Variants in PTPRD observed in about 807,000 individuals in gnomAD.
The protein encoded by PTPRD is protein tyrosine phosphatase receptor type D.
A neutral mutation model predicts 214.5 loss-of-function variants in PTPRD; 34 were observed. The ratio of observed to expected loss-of-function variants is 0.16; its 90% CI spans 0.12 to 0.21. The LOEUF (loss-of-function observed/expected upper bound fraction) is 0.21. PTPRD is among the 10% of genes least tolerant of loss of function. The pLI is 1.00. For synonymous variants in PTPRD, 1,128 were observed against 845.7 expected (o/e 1.33, Z -5.79); for missense variants, 2,545 against 2,398.7 (o/e 1.06, Z -1.27).
At chr9:9,477,531 A>C (rs2095148587) in intron 8 of PTPRD, among the ~76,000 whole-genome samples, 1 of 152,150 alleles carries the variant, frequency 6.6e-6, no homozygotes, top group African/African-American at 2.4e-5. Flanking sequence ...TCCACACATT[A>C]TTTATTTTAC....
intron 8 of PTPRD, among the ~76,000 whole-genome samples, chr9:9,485,186 A>G (rs1182625434): frequency 2.0e-5 from 3 of 152,328 alleles, no homozygotes; most frequent in African/African-American, 7.2e-5. Context: ...AAACTGATAC[A>G]TGTTTTGAAA....
At chr9:8,347,325 T>C (rs1295061316) in intron 39 of PTPRD, among the ~76,000 whole-genome samples, 2 of 152,106 alleles carry the variant, frequency 1.3e-5, no homozygotes, top group Non-Finnish European at 2.9e-5. Context: ...CTTCCATCCA[T>C]ATTTGTTGTA....
rs1852721493 is a variant in PTPRD, at chr9:8,341,798, A to C, written c.4842T>G (p.Thr1614=). Reference sequence around the variant, plus strand: ...TAGCTGGCACTTCGGTATTTCCACAAGTCACTGCTTCTAACAGTGCATCAT... The same window carrying C: ...TAGCTGGCACTTCGGTATTTCCACACGTCACTGCTTCTAACAGTGCATCAT... ...FIHDALLEAV[T]CGNTEVPARN... is the part of the protein sequence containing the mutation. Residue 1614 remains threonine, a synonymous_variant, in exon 40 of 46, where the codon ACT becomes ACG. Coordinates refer to ENST00000381196, the MANE Select transcript of PTPRD (RefSeq NM_002839.4). 6.2e-7 allele frequency: 1 copy of C among 1,613,636 alleles called. No homozygotes were observed. The highest frequency in any genetic ancestry group is 1.7e-5 in the Admixed American group (1 of 59,946).
chr9:10,430,834 C>T (rs2098670526), intron 2 of PTPRD, among the ~76,000 whole-genome samples: 2 of 151,810 alleles, frequency 1.3e-5, no homozygotes, highest in East Asian at 3.9e-4. Flanking sequence ...CATCATACCC[C>T]TTTTTTATCC....
At position 10,048,629 on chromosome 9, in the gene PTPRD, A is replaced by G. The variant is rs575835368; in HGVS notation, c.-544-14839T>C. Among the ~76,000 whole-genome samples the G allele has an allele frequency of 3.3e-5, 5 of 152,196 alleles. No homozygotes were observed. The South Asian group carries it at 1.0e-3, about 32-fold the overall frequency. On this transcript the variant is annotated intron_variant, in intron 3 of 45. Transcript: ENST00000381196. ...CCACTCTAGAAACTGCTGGGGGAAAAAAATCTTCGAGGAGGTAGGATTTAT... is the reference window on the plus strand; with the variant it reads ...CCACTCTAGAAACTGCTGGGGGAAAGAAATCTTCGAGGAGGTAGGATTTAT...
chr9:9,705,208 T>G (rs2097576600), intron 7 of PTPRD, among the ~76,000 whole-genome samples: 2 of 152,206 alleles, frequency 1.3e-5, no homozygotes, highest in African/African-American at 4.8e-5. Flanking sequence ...TAATATTTCA[T>G]AATGGTTCCC....
At chr9:8,317,991 T>C (rs371047176) in intron 45 of PTPRD, 49 bp from the exon 46 acceptor site, 5 of 1,485,914 alleles carry the variant, frequency 3.4e-6, no homozygotes, top group Non-Finnish European at 4.6e-6. Context: ...ACCATGAGCA[T>C]ATTTTAATAG....
rs202114228 is a variant in PTPRD at position 9,956,280 on chromosome 9, TAA to T, written c.-471-17672_-471-17671del. ...CCTCAGCCCTGATTAAAGTCAAACT[TAA>T]AAAAAAAAAAAAAAACTCTACCAAA... On this transcript the variant is annotated intron_variant, in intron 4 of 45. Coordinates refer to ENST00000381196, the MANE Select transcript of PTPRD (RefSeq NM_002839.4). Among the ~76,000 whole-genome samples, 129 of 127,592 alleles carry T rather than the reference TAA, an allele frequency of 1.0e-3. 2 individuals are homozygous for T. The South Asian group carries it at 0.016, about 15-fold the overall frequency. 83.7% of individuals were successfully genotyped at this position (127,592 alleles called of 152,430 possible). A position where few individuals can be genotyped will look rare whatever the true frequency, so the allele number is the denominator to read the frequency against.
chr9:10,178,098 C>G (rs1392244408), intron 3 of PTPRD, among the ~76,000 whole-genome samples: 1 of 151,780 alleles, frequency 6.6e-6, no homozygotes, highest in African/African-American at 2.4e-5. Context: ...CATTAGTGAG[C>G]AATTATAGTA....
At chr9:10,426,336 T>G (rs1021127128) in intron 2 of PTPRD, among the ~76,000 whole-genome samples, 1 of 152,126 alleles carries the variant, frequency 6.6e-6, no homozygotes, top group Non-Finnish European at 1.5e-5. Context: ...AATTGAGCCC[T>G]CATTCTTGCT....
intron 44 of PTPRD, among the ~76,000 whole-genome samples, chr9:8,321,774 C>G (rs1173955476): frequency 2.6e-5 from 4 of 151,674 alleles, no homozygotes; most frequent in Non-Finnish European, 5.9e-5. Flanking sequence ...GTAATTCAAT[C>G]CCAATATATA....
intron 9 of PTPRD, among the ~76,000 whole-genome samples, chr9:9,208,332 A>T (rs1016683208): frequency 2.0e-5 from 3 of 151,816 alleles, no homozygotes; most frequent in Non-Finnish European, 4.4e-5. Context: ...GTATTTTTTT[A>T]AAAAACACCT....
chr9:10,115,552 G>A (rs964585363), intron 3 of PTPRD, among the ~76,000 whole-genome samples: 4 of 152,060 alleles, frequency 2.6e-5, no homozygotes, highest in African/African-American at 7.2e-5. Flanking sequence ...TTAATGTCCA[G>A]AACTATACTC....
chr9:9,798,086 T>A (rs1435508777), intron 5 of PTPRD, among the ~76,000 whole-genome samples: 1 of 151,928 alleles, frequency 6.6e-6, no homozygotes, highest in Non-Finnish European at 1.5e-5. Context: ...GGAAGGGAAA[T>A]AAAACAAAAG....
intron 3 of PTPRD, among the ~76,000 whole-genome samples, chr9:10,198,275 A>T (rs2099405747): frequency 6.6e-6 from 1 of 152,134 alleles, no homozygotes; most frequent in Non-Finnish European, 1.5e-5. Flanking sequence ...GAGGGGAAAG[A>T]ATAGGTACAG....
rs1045043699 is a variant in PTPRD at position 8,523,413 on chromosome 9, A to G, written c.691+100T>C. ...CTGCTAAAACATACCATTAACCAAA[A>G]GAAGAACACAATGCAGCTACATTCA... is the stretch of plus-strand genomic sequence containing the variant. On this transcript the variant is annotated intron_variant, in intron 19 of 45. Transcript: ENST00000381196. The G allele has an allele frequency of 4.3e-6, 6 of 1,405,872 alleles. No individual in the cohort carries two copies. The East Asian group carries it at 1.4e-4, about 34-fold the overall frequency. 87.1% of individuals were successfully genotyped at this position (1,405,872 alleles called of 1,614,324 possible).
At chr9:8,540,636 A>T (rs2078165396) in intron 14 of PTPRD, among the ~76,000 whole-genome samples, 1 of 152,216 alleles carries the variant, frequency 6.6e-6, no homozygotes, top group Non-Finnish European at 1.5e-5. Flanking sequence ...TAATTAACTT[A>T]GAATAGCTTC....
intron 11 of PTPRD, among the ~76,000 whole-genome samples, chr9:8,914,845 G>C (rs1207152400): frequency 6.6e-6 from 1 of 152,062 alleles, no homozygotes; most frequent in Non-Finnish European, 1.5e-5. Context: ...ACATTTACTG[G>C]ATTTTATTAT....
chr9:10,261,000 G>A (rs536755350), intron 3 of PTPRD, among the ~76,000 whole-genome samples: 1 of 146,616 alleles, frequency 6.8e-6, no homozygotes, highest in African/African-American at 2.5e-5. Flanking sequence ...ATATATATGT[G>A]TATATATGTA....
Sources: gnomAD v4.1 joint callset for allele counts (sites outside exome capture counted in the v4.1 genomes callset) on GRCh38, gnomAD v4.1.1 for gene constraint, MANE v1.5 for transcripts, NCBI Gene and HGNC (gene_info 2026-07-23, HGNC 2026-07-21) for gene names.